SMYD3: variants seen among roughly 807,000 people sequenced by gnomAD.
The protein encoded by SMYD3 is SET and MYND domain containing 3, also known as histone-lysine N-methyltransferase SMYD3.
In SMYD3, 36 loss-of-function variants were observed where a neutral mutation model predicts 57.7. That is an observed-to-expected ratio of 0.62 (90% confidence interval 0.48 to 0.82). The LOEUF (loss-of-function observed/expected upper bound fraction) is 0.82, where lower values mean the gene tolerates loss of function less well. SMYD3 is among the 40% of genes least tolerant of loss of function. SMYD3 has a pLI of 0.00. For synonymous variants in SMYD3, 211 were observed against 195.0 expected (o/e 1.08, Z -0.68); for missense variants, 515 against 538.8 (o/e 0.96, Z 0.44).
chr1:246,130,775 C>T (rs2061575281), intron 5 of SMYD3, among the ~76,000 whole-genome samples: 1 of 152,272 alleles, frequency 6.6e-6, no homozygotes, highest in South Asian at 2.1e-4. Context: ...GAGTTGGGCT[C>T]CTTCCTTCCA....
intron 5 of SMYD3, among the ~76,000 whole-genome samples, chr1:246,087,511 G>GA (rs1230624373): frequency 2.6e-5 from 4 of 151,838 alleles, no homozygotes; most frequent in African/African-American, 4.8e-5. Context: ...CAAAGGCAAG[G>GA]AAAAAAAATC....
At chr1:245,922,318 T>A (rs2056030993) in intron 7 of SMYD3, among the ~76,000 whole-genome samples, 1 of 152,208 alleles carries the variant, frequency 6.6e-6, no homozygotes, top group Non-Finnish European at 1.5e-5. Flanking sequence ...CATAACACTT[T>A]CAGCTTCAAT....
chr1:245,826,030 T>TTTTTTTTTTTTTTTTTTTTG (rs1572449561), intron 10 of SMYD3, among the ~76,000 whole-genome samples: 1 of 138,330 alleles, frequency 7.2e-6, no homozygotes, highest in African/African-American at 2.6e-5. Context: ...ATGTTGTATT[T>TTTTTTTTTTTTTTTTTTTTG]AATTAAATAT....
chr1:246,255,610 T>C (rs1010985520), intron 5 of SMYD3, among the ~76,000 whole-genome samples: 2 of 152,064 alleles, frequency 1.3e-5, no homozygotes, highest in East Asian at 3.9e-4. Context: ...GGGTTTATAC[T>C]CATGAGGGAT....
At chr1:245,887,179 T>C (rs1426940778) in intron 8 of SMYD3, among the ~76,000 whole-genome samples, 1 of 152,116 alleles carries the variant, frequency 6.6e-6, no homozygotes, top group Non-Finnish European at 1.5e-5. Flanking sequence ...TAAAACAGGT[T>C]GCAGTAAAGG....
chr1:246,058,961 G>A (rs999380451), intron 5 of SMYD3, among the ~76,000 whole-genome samples: 6 of 150,300 alleles, frequency 4.0e-5, no homozygotes, highest in East Asian at 2.0e-4. Flanking sequence ...TGCCAGCTCC[G>A]CCTCCCGGGT....
intron 5 of SMYD3, among the ~76,000 whole-genome samples, chr1:246,319,067 T>C (rs1243009050): frequency 1.3e-5 from 2 of 152,240 alleles, no homozygotes; most frequent in African/African-American, 4.8e-5. Context: ...TATTTGAAGG[T>C]AGAGAAATAT....
intron 8 of SMYD3, among the ~76,000 whole-genome samples, chr1:245,899,280 C>T (rs1442287818): frequency 6.6e-6 from 1 of 152,028 alleles, no homozygotes; most frequent in African/African-American, 2.4e-5. Context: ...ATTGATAGTA[C>T]AGAGATCTCA....
At chr1:245,837,326 C>G (rs1172766275) in intron 10 of SMYD3, among the ~76,000 whole-genome samples, 2 of 151,820 alleles carry the variant, frequency 1.3e-5, no homozygotes, top group Non-Finnish European at 2.9e-5. Flanking sequence ...TCCTAGAAAT[C>G]CCCCGTAGTG....
chr1:246,031,105 A>G (rs1207599390), intron 5 of SMYD3, among the ~76,000 whole-genome samples: 1 of 152,214 alleles, frequency 6.6e-6, no homozygotes, highest in East Asian at 1.9e-4. Context: ...ACTTGCTTAT[A>G]CATAAAGTGA....
chr1:246,487,549 AC>A (rs986285262), intron 1 of SMYD3, among the ~76,000 whole-genome samples: 12 of 152,264 alleles, frequency 7.9e-5, no homozygotes, highest in African/African-American at 2.9e-4. Context: ...ACCCTAAACA[AC>A]CAGGAGACAA....
intron 5 of SMYD3, among the ~76,000 whole-genome samples, chr1:246,058,075 G>A (rs905265980): frequency 2.0e-5 from 3 of 150,118 alleles, no homozygotes; most frequent in African/African-American, 4.9e-5. Flanking sequence ...AAGATCAGCG[G>A]TTGCCAGGGA....
chr1:245,939,867 C>T (rs4999906), intron 5 of SMYD3, among the ~76,000 whole-genome samples: 94,244 of 152,054 alleles, frequency 0.62, 34,941 homozygotes, highest in Non-Finnish European at 0.83. Flanking sequence ...CCCTTAAGAA[C>T]GGTTCGAAAG....
At chr1:246,465,368 GACTA>G (rs1414325624) in intron 1 of SMYD3, among the ~76,000 whole-genome samples, 3 of 152,286 alleles carry the variant, frequency 2.0e-5, no homozygotes, top group African/African-American at 4.8e-5. Context: ...GCACTTGTAG[GACTA>G]ACTATGAGCT....
At chr1:245,843,397 T>C (rs2050497159) in intron 10 of SMYD3, among the ~76,000 whole-genome samples, 1 of 152,198 alleles carries the variant, frequency 6.6e-6, no homozygotes, top group Non-Finnish European at 1.5e-5. Flanking sequence ...ACCAGTCTTC[T>C]GATTCCCCAG....
intron 10 of SMYD3, among the ~76,000 whole-genome samples, chr1:245,824,431 C>T (rs1460301043): frequency 6.6e-6 from 1 of 152,158 alleles, no homozygotes; most frequent in African/African-American, 2.4e-5. Flanking sequence ...AAAATGAAAA[C>T]TCAGGCCGGG....
intron 5 of SMYD3, among the ~76,000 whole-genome samples, chr1:245,987,126 C>A (rs776505544): frequency 1.3e-4 from 20 of 152,206 alleles, no homozygotes; most frequent in Non-Finnish European, 2.4e-4. Context: ...AACTCATATT[C>A]ATGCCTCCAA....
chr1:245,996,484 A>T (rs2058933947), intron 5 of SMYD3, among the ~76,000 whole-genome samples: 2 of 152,208 alleles, frequency 1.3e-5, no homozygotes, highest in East Asian at 3.8e-4. Flanking sequence ...AACCCCTTGA[A>T]AACTGAACAA....
chr1:246,366,521 G>A (rs749835387), intron 1 of SMYD3, among the ~76,000 whole-genome samples: 8 of 151,266 alleles, frequency 5.3e-5, no homozygotes, highest in Non-Finnish European at 1.0e-4. Context: ...GGAACAGGAG[G>A]TCAGCAGAAA....
Sources: gnomAD v4.1 joint callset for allele counts (sites outside exome capture counted in the v4.1 genomes callset) on GRCh38, gnomAD v4.1.1 for gene constraint, MANE v1.5 for transcripts, NCBI Gene and HGNC (gene_info 2026-07-23, HGNC 2026-07-21) for gene names.